IQSEC3: variants seen among roughly 807,000 people sequenced by gnomAD.
The protein encoded by IQSEC3 is IQ motif and SEC7 domain-containing protein 3.
Under a neutral mutation model 105.4 loss-of-function variants are expected in IQSEC3, and 50 were observed. The observed-to-expected ratio is 0.47, with a 90% CI of 0.38 to 0.60. The LOEUF (loss-of-function observed/expected upper bound fraction) is 0.60, where lower values mean the gene tolerates loss of function less well. Ranked by LOEUF, IQSEC3 falls within the 20% of genes least tolerant of loss-of-function variation. IQSEC3 has a pLI of 0.00. For synonymous variants in IQSEC3, 708 were observed against 746.0 expected (o/e 0.95, Z 0.83); for missense variants, 1,415 against 1,630.0 (o/e 0.87, Z 2.27).
In IQSEC3 at chr12:174,539, C is replaced by T. The variant is rs902942880; in HGVS notation, c.3115-60C>T. The T allele has an allele frequency of 8.3e-6, 12 of 1,447,626 alleles. No individual in the cohort carries two copies. In the East Asian group the frequency reaches 2.4e-4, roughly 29 times the overall value. 89.7% of individuals were successfully genotyped at this position (1,447,626 alleles called of 1,614,324 possible). A position where few individuals can be genotyped will look rare whatever the true frequency, so the allele number is the denominator to read the frequency against. ...CCAGGGGAGGCACAGGGCAGCCTGT[C>T]CTAGCAGCTGGGAATTAGTCTTGTA... On this transcript the variant is annotated intron_variant, in intron 13 of 13. Coordinates refer to ENST00000538872, the MANE Select transcript of IQSEC3 (RefSeq NM_001170738.2).
At chr12:89,716 C>G (rs568285256) in intron 1 of IQSEC3, among the ~76,000 whole-genome samples, 2 of 152,236 alleles carry the variant, frequency 1.3e-5, no homozygotes, top group South Asian at 4.1e-4. Context: ...TTGTGGACAC[C>G]TTCCTTTATT....
At chr12:83,632 G>A (rs1486774306) in intron 1 of IQSEC3, among the ~76,000 whole-genome samples, 1 of 151,422 alleles carries the variant, frequency 6.6e-6, no homozygotes, top group African/African-American at 2.4e-5. Flanking sequence ...AAAGAGACAG[G>A]GAGAGGAGAT....
chr12:135,007 G>A (rs1436129197), intron 3 of IQSEC3, among the ~76,000 whole-genome samples: 2 of 152,244 alleles, frequency 1.3e-5, no homozygotes, highest in African/African-American at 2.4e-5. Flanking sequence ...GCGCACACCT[G>A]TAATCCCAGC....
Position 174,910 on chromosome 12 carries a change from G to T in IQSEC3, c.3426G>T (p.Lys1142Asn). 6.4e-7 allele frequency: 1 copy of T among 1,558,670 alleles called. No individual in the cohort carries two copies. The highest frequency in any genetic ancestry group is 1.2e-5 in the South Asian group (1 of 85,560). Residue 1142 changes from lysine to asparagine, a missense_variant, in exon 14 of 14, where the codon AAG becomes AAT. By Grantham distance (94) the Lys-to-Asn change is moderately conservative. Around this residue, in one of 6 missense-constraint regions of IQSEC3, gnomAD observed 419 missense variants for 436.2 expected, o/e 0.96. Transcript: ENST00000538872. ...TPLGGPGSPVKVTHQPPLPPP... is the reference protein window; with the variant it reads ...TPLGGPGSPVNVTHQPPLPPP... ...TGGGCGGTCCCGGCTCTCCGGTCAA[G>T]GTCACCCACCAGCCTCCGCTGCCCC... is the stretch of plus-strand genomic sequence containing the variant.
chr12:142,984 C>G (rs1186549080), intron 5 of IQSEC3, among the ~76,000 whole-genome samples: 1 of 152,210 alleles, frequency 6.6e-6, no homozygotes, highest in Non-Finnish European at 1.5e-5. Context: ...TGACTGTTGT[C>G]TGTTTTCTTC....
chr12:160,171 T>A (rs1213221942), intron 7 of IQSEC3, among the ~76,000 whole-genome samples: 1 of 108,706 alleles, frequency 9.2e-6, no homozygotes, highest in Non-Finnish European at 1.7e-5. Flanking sequence ...GGAGTCCTTT[T>A]TTCTGTTTTT....
intron 7 of IQSEC3, among the ~76,000 whole-genome samples, chr12:158,213 C>T (rs1274591335): frequency 2.0e-5 from 3 of 151,782 alleles, no homozygotes; most frequent in Non-Finnish European, 4.4e-5. Flanking sequence ...CAAAGTTATA[C>T]ATCCACATAA....
chr12:141,208 G>A lies in IQSEC3; in HGVS notation c.2076G>A (p.Gln692=), dbSNP rs1555089117. Reference sequence around the variant, plus strand: ...TCGGTGTGGCCCATTTCCTCCTCCAGCGAAAGGGCCTCAGCCGCCAGATGA... The same window carrying A: ...TCGGTGTGGCCCATTTCCTCCTCCAACGAAAGGGCCTCAGCCGCCAGATGA... ...TPIGVAHFLL[Q]RKGLSRQMIG... Residue 692 remains glutamine, a synonymous_variant, in exon 5 of 14, where the codon CAG becomes CAA. Coordinates refer to ENST00000538872, the MANE Select transcript of IQSEC3 (RefSeq NM_001170738.2). The A allele has an allele frequency of 1.2e-6, 2 of 1,610,958 alleles. No individual in the cohort carries two copies. Among genetic ancestry groups the A allele is most frequent in the South Asian group, 2.2e-5 (2 of 90,990 alleles).
chr12:169,250 T>G (rs1938840554), intron 12 of IQSEC3, 145 bp downstream of exon 12: 1 of 650,490 alleles, frequency 1.5e-6, no homozygotes, highest in Non-Finnish European at 2.7e-6. Context: ...TTGCCTTCTT[T>G]AATCTCATGA....
rs1866009096 is a variant in IQSEC3 at position 141,183 on chromosome 12, T to C, written c.2051T>C (p.Ile684Thr). Reference protein sequence around the residue: ...ISRGFIPDTPIGVAHFLLQRK... With the variant: ...ISRGFIPDTPTGVAHFLLQRK... ...CGCGGCTTCATCCCGGACACCCCCA[T>C]CGGTGTGGCCCATTTCCTCCTCCAG... Residue 684 changes from isoleucine (I) to threonine (T), a missense_variant, in exon 5 of 14, where the codon ATC (isoleucine) becomes ACC (threonine). Physicochemically the swap from Ile to Thr is moderately conservative, Grantham distance 89. Around this residue, in one of 6 missense-constraint regions of IQSEC3, gnomAD observed 213 missense variants for 306.2 expected, o/e 0.70. Transcript: ENST00000538872. 3 of 1,364,700 alleles carry C rather than the reference T, an allele frequency of 2.2e-6. No homozygotes were observed. The highest frequency in any genetic ancestry group is 2.9e-6 in the Non-Finnish European group (3 of 1,026,024). The allele number at this position is 1,364,700 out of a possible 1,614,324, so 84.5% of individuals were successfully genotyped here.
chr12:97,115 T>A (rs1257021674), intron 1 of IQSEC3, among the ~76,000 whole-genome samples: 2 of 152,250 alleles, frequency 1.3e-5, no homozygotes, highest in Non-Finnish European at 2.9e-5. Flanking sequence ...TGAGGCAGAA[T>A]AGCACAGATG....
chr12:69,841 G>A (rs367725823), intron 1 of IQSEC3, among the ~76,000 whole-genome samples: 11 of 152,256 alleles, frequency 7.2e-5, no homozygotes, highest in South Asian at 2.1e-4. Flanking sequence ...CCCGTGGCCC[G>A]TTTTGTATGT....
intron 1 of IQSEC3, among the ~76,000 whole-genome samples, chr12:74,864 T>C (rs1863457758): frequency 6.6e-6 from 1 of 152,292 alleles, no homozygotes; most frequent in Non-Finnish European, 1.5e-5. Context: ...CCAAACTAGC[T>C]AGTGTCAGAA....
chr12:156,973 G>A, intron 5 of IQSEC3, 52 bp from the exon 6 acceptor site: 1 of 1,498,862 alleles, frequency 6.7e-7, no homozygotes, highest in South Asian at 1.4e-5. Context: ...AATGGGTGTT[G>A]GAGGGTGCTT....
chr12:73,263 C>T (rs190995865), intron 1 of IQSEC3, among the ~76,000 whole-genome samples: 6 of 152,294 alleles, frequency 3.9e-5, no homozygotes, highest in Admixed American at 6.5e-5. Context: ...AGCTGTGAGA[C>T]GTCGCCTTCA....
chr12:87,067 G>A (rs537931342), intron 1 of IQSEC3, among the ~76,000 whole-genome samples: 2 of 152,232 alleles, frequency 1.3e-5, no homozygotes, highest in Admixed American at 1.3e-4. Flanking sequence ...TGCTGTGAGA[G>A]CTACCTCAAA....
intron 1 of IQSEC3, among the ~76,000 whole-genome samples, chr12:73,556 G>A (rs1267570673): frequency 7.2e-5 from 11 of 152,186 alleles, no homozygotes; most frequent in African/African-American, 2.4e-4. Flanking sequence ...AGTAGTCCCA[G>A]CTACTCGGGA....
At chr12:96,469 T>C (rs1864246028) in intron 1 of IQSEC3, among the ~76,000 whole-genome samples, 1 of 152,206 alleles carries the variant, frequency 6.6e-6, no homozygotes, top group African/African-American at 2.4e-5. Context: ...CTACAGAATG[T>C]AGATTTTCCC....
Position 175,123 on chromosome 12 carries a change from G to A in IQSEC3, c.*90G>A. ...ACTGCTCCCCATACCCTGGCACGATGCGTTCCTGGTCACTGATCACCATCA... is the reference window on the plus strand; with the variant it reads ...ACTGCTCCCCATACCCTGGCACGATACGTTCCTGGTCACTGATCACCATCA... On this transcript the variant is annotated 3_prime_UTR_variant, in exon 14 of 14. Coordinates refer to ENST00000538872, the MANE Select transcript of IQSEC3 (RefSeq NM_001170738.2). The A allele has an allele frequency of 9.9e-7, 1 of 1,012,034 alleles. No individual in the cohort carries two copies. Among genetic ancestry groups the A allele is most frequent in the Non-Finnish European group, 1.4e-6 (1 of 715,538 alleles). 62.7% of individuals were successfully genotyped at this position (1,012,034 alleles called of 1,614,324 possible).
Sources: gnomAD v4.1 joint callset for allele counts (sites outside exome capture counted in the v4.1 genomes callset) on GRCh38, gnomAD v4.1.1 for gene constraint, gnomAD v4.1.1 regional missense constraint, MANE v1.5 for transcripts, NCBI Gene and HGNC (gene_info 2026-07-23, HGNC 2026-07-21) for gene names.